Variants in RUNX2 observed in about 807,000 individuals in gnomAD.
The protein encoded by RUNX2 is RUNX family transcription factor 2, also known as runt-related transcription factor 2.
In RUNX2, 10 loss-of-function variants were observed where a neutral mutation model predicts 51.7. The ratio of observed to expected loss-of-function variants is 0.19; its 90% confidence interval spans 0.12 to 0.33. The LOEUF is 0.33. Among genes scored for constraint, RUNX2 ranks in the 10% least tolerant of loss-of-function variants. The pLI, the probability that RUNX2 is intolerant of heterozygous loss-of-function variation, is 1.00. For missense variants in RUNX2, 562 were observed against 691.3 expected (o/e 0.81, Z 2.10); for synonymous variants, 276 against 273.6 (o/e 1.01, Z -0.09).
Position 45,329,917 on chromosome 6 carries a change from T to C in RUNX2, c.58+1133T>C, listed in dbSNP as rs79677650. Among the ~76,000 whole-genome samples, 862 of 151,982 alleles carry C rather than the reference T, an allele frequency of 5.7e-3. 9 individuals carry two copies. Among genetic ancestry groups the C allele is most frequent in the Non-Finnish European group, 8.6e-3 (582 of 67,882 alleles). ...TTCTTATATCCATTAAAATAAACCT[T>C]CTTGCTGTGTACATCTATATTAACT... On this transcript the variant is annotated intron_variant, in intron 2 of 8. Coordinates refer to ENST00000647337, the MANE Select transcript of RUNX2 (RefSeq NM_001024630.4).
intron 5 of RUNX2, among the ~76,000 whole-genome samples, chr6:45,474,526 C>G (rs1013860801): frequency 1.3e-5 from 2 of 151,800 alleles, no homozygotes; most frequent in Non-Finnish European, 2.9e-5. Flanking sequence ...TATAAACAAA[C>G]CATCGATGTT....
chr6:45,342,287 G>A (rs1789951329), intron 2 of RUNX2, among the ~76,000 whole-genome samples: 1 of 151,738 alleles, frequency 6.6e-6, no homozygotes, highest in South Asian at 2.1e-4. Flanking sequence ...TTTTGAGACA[G>A]TGTGTCGCTC....
chr6:45,459,791 A>T (rs1200348348), intron 5 of RUNX2, among the ~76,000 whole-genome samples: 1 of 152,212 alleles, frequency 6.6e-6, no homozygotes, highest in African/African-American at 2.4e-5. Context: ...AAGGGGACAG[A>T]GGGAGGGAGG....
intron 2 of RUNX2, among the ~76,000 whole-genome samples, chr6:45,409,425 G>C (rs959454020): frequency 3.3e-5 from 5 of 152,180 alleles, no homozygotes; most frequent in African/African-American, 1.2e-4. Context: ...GGCTGGAGCT[G>C]TACTCTTTTG....
intron 2 of RUNX2, among the ~76,000 whole-genome samples, chr6:45,351,175 G>C (rs970258088): frequency 2.6e-5 from 4 of 151,974 alleles, no homozygotes; most frequent in Non-Finnish European, 4.4e-5. Flanking sequence ...TGTAATAGCT[G>C]GTCACAGAAA....
chr6:45,414,105 C>G (rs1798011190), intron 2 of RUNX2, among the ~76,000 whole-genome samples: 1 of 152,230 alleles, frequency 6.6e-6, no homozygotes, highest in Non-Finnish European at 1.5e-5. Flanking sequence ...AATGAGGACT[C>G]AAGAGGAGTG....
intron 7 of RUNX2, among the ~76,000 whole-genome samples, chr6:45,543,291 C>T (rs1802287243): frequency 2.0e-5 from 3 of 152,120 alleles, no homozygotes. Flanking sequence ...CTAGTGTTGG[C>T]TATAGCACTC....
At chr6:45,522,136 A>G (rs1196426420) in intron 7 of RUNX2, among the ~76,000 whole-genome samples, 1 of 152,148 alleles carries the variant, frequency 6.6e-6, no homozygotes, top group African/African-American at 2.4e-5. Flanking sequence ...TCTTTCATTC[A>G]TTTCAGTCAT....
At chr6:45,435,744 A>T (rs951748717) in intron 4 of RUNX2, among the ~76,000 whole-genome samples, 16 of 152,220 alleles carry the variant, frequency 1.1e-4, no homozygotes, top group Admixed American at 9.2e-4. Flanking sequence ...AGTGCCATAG[A>T]TGAAAACTGA....
At chr6:45,476,159 G>A (rs1056127795) in intron 5 of RUNX2, among the ~76,000 whole-genome samples, 4 of 152,096 alleles carry the variant, frequency 2.6e-5, no homozygotes, top group Admixed American at 6.5e-5. Context: ...TCCACTATAC[G>A]TTGCTCAGGG....
rs551995452 is a variant in RUNX2 at position 45,511,289 on chromosome 6, G to T, written c.860-957G>T. Among the ~76,000 whole-genome samples, 56 of 152,170 alleles carry T rather than the reference G, an allele frequency of 3.7e-4. No homozygotes were observed. The East Asian group carries it at 0.011, about 29-fold the overall frequency. ...AGATACATCAAAAAATATTGTTAAT[G>T]TTCAGCAATTAAACCTAAACAGCTG... On this transcript the variant is annotated intron_variant, in intron 6 of 8. Coordinates refer to ENST00000647337, the MANE Select transcript of RUNX2 (RefSeq NM_001024630.4).
At chr6:45,419,566 G>GTC (rs900878393) in intron 2 of RUNX2, among the ~76,000 whole-genome samples, 1 of 152,172 alleles carries the variant, frequency 6.6e-6, no homozygotes, top group South Asian at 2.1e-4. Context: ...AATGGATGCA[G>GTC]TCTCTCTCTC....
rs367842036 is a variant in RUNX2, at chr6:45,526,039, T to A, written c.1021+13632T>A. Among the ~76,000 whole-genome samples the A allele has an allele frequency of 7.8e-4, 119 of 151,932 alleles. 1 individual carries two copies. The highest frequency in any genetic ancestry group is 2.7e-3 in the African/African-American group (113 of 41,462). On this transcript the variant is annotated intron_variant, in intron 7 of 8. Coordinates refer to ENST00000647337, the MANE Select transcript of RUNX2 (RefSeq NM_001024630.4). ...CACCATCAATAATAACACTAAAGGC[T>A]AATATAGCATTTAATCGAAGAACTA...
At chr6:45,546,697 G>A (rs1802411249) in intron 8 of RUNX2, 130 bp from the exon 9 acceptor site, 2 of 772,618 alleles carry the variant, frequency 2.6e-6, no homozygotes, top group Non-Finnish European at 4.3e-6. Flanking sequence ...GCATTTGAAG[G>A]TCTGTCTGTG....
intron 5 of RUNX2, among the ~76,000 whole-genome samples, chr6:45,486,550 T>G (rs969310891): frequency 3.9e-5 from 6 of 152,194 alleles, no homozygotes; most frequent in Non-Finnish European, 8.8e-5. Flanking sequence ...AAAATACTAC[T>G]CCAAAAAGAT....
At chr6:45,538,097 A>C (rs1307591114) in intron 7 of RUNX2, among the ~76,000 whole-genome samples, 1 of 152,184 alleles carries the variant, frequency 6.6e-6, no homozygotes, top group African/African-American at 2.4e-5. Context: ...CCTTCCTATC[A>C]GTTAGGCTTT....
At chr6:45,372,836 G>C (rs546363732) in intron 2 of RUNX2, among the ~76,000 whole-genome samples, 1 of 151,452 alleles carries the variant, frequency 6.6e-6, no homozygotes, top group South Asian at 2.1e-4. Context: ...ATTTTTTTTT[G>C]AGATGGAGTT....
chr6:45,452,648 G>C (rs928197707), intron 5 of RUNX2, among the ~76,000 whole-genome samples: 3 of 152,126 alleles, frequency 2.0e-5, no homozygotes, highest in Admixed American at 2.0e-4. Context: ...GAGAAACAAA[G>C]CATGTACACA....
chr6:45,348,333 T>A (rs901305045), intron 2 of RUNX2, among the ~76,000 whole-genome samples: 12 of 151,964 alleles, frequency 7.9e-5, no homozygotes, highest in Admixed American at 6.6e-4. Context: ...AAAAAAATTC[T>A]CTACCATTAG....
Sources: allele counts gnomAD v4.1 joint callset (sites outside exome capture counted in the v4.1 genomes callset), GRCh38; gene constraint gnomAD v4.1.1; transcripts MANE v1.5; gene names NCBI Gene and HGNC (gene_info 2026-07-23, HGNC 2026-07-21).